LRRTM4: variants seen among roughly 807,000 people sequenced by gnomAD.
LRRTM4 encodes leucine rich repeat transmembrane neuronal 4.
Under a neutral mutation model 47.6 loss-of-function variants are expected in LRRTM4, and 25 were observed. The observed-to-expected ratio is 0.53, with a 90% CI of 0.38 to 0.73. LRRTM4 has a LOEUF of 0.73. LRRTM4 is among the 30% of genes least tolerant of loss of function. The pLI is 0.00. For missense variants in LRRTM4, 638 were observed against 713.4 expected (o/e 0.89, Z 1.20); for synonymous variants, 311 against 269.5 (o/e 1.15, Z -1.51).
intron 3 of LRRTM4, among the ~76,000 whole-genome samples, chr2:77,405,970 C>A (rs1157335539): frequency 6.6e-6 from 1 of 152,130 alleles, no homozygotes; most frequent in Non-Finnish European, 1.5e-5. Flanking sequence ...TCTTGTTTAT[C>A]TTTGTCCTAT....
intron 3 of LRRTM4, among the ~76,000 whole-genome samples, chr2:77,244,693 ATTTTT>A: frequency 1.3e-5 from 2 of 152,146 alleles, no homozygotes; most frequent in South Asian, 4.1e-4. Context: ...ATGGAAAATC[ATTTTT>A]AAGATTAGGC....
chr2:77,413,061 G>C (rs1558731882), intron 3 of LRRTM4, among the ~76,000 whole-genome samples: 1 of 152,070 alleles, frequency 6.6e-6, no homozygotes, highest in Non-Finnish European at 1.5e-5. Context: ...TTTGGAGACA[G>C]CTTTCTCAAC....
intron 3 of LRRTM4, among the ~76,000 whole-genome samples, chr2:77,114,326 C>T (rs1207865113): frequency 6.6e-6 from 1 of 152,134 alleles, no homozygotes; most frequent in Non-Finnish European, 1.5e-5. Flanking sequence ...CTTCCACTGC[C>T]CTGAATACGG....
At chr2:77,276,591 A>T (rs1676362362) in intron 3 of LRRTM4, among the ~76,000 whole-genome samples, 1 of 149,224 alleles carries the variant, frequency 6.7e-6, no homozygotes, top group African/African-American at 2.4e-5. Flanking sequence ...TTAGTGCTAA[A>T]TAAATATTTG....
At chr2:77,335,461 ATTTCC>A (rs1671130308) in intron 3 of LRRTM4, among the ~76,000 whole-genome samples, 1 of 152,016 alleles carries the variant, frequency 6.6e-6, no homozygotes, top group Non-Finnish European at 1.5e-5. Flanking sequence ...AACACTTTGG[ATTTCC>A]CCATAGCCAA....
In LRRTM4 at chr2:76,951,665, G is replaced by A. The variant is rs190963073; in HGVS notation, c.1552-202749C>T. On this transcript the variant is annotated intron_variant, in intron 3 of 3. Transcript: ENST00000409884. ...CTTCTGGGATACATATGCAGAACAT[G>A]CAGGTTTGTTACATAGGTATACACG... is the stretch of plus-strand genomic sequence containing the variant. 8.6e-3 allele frequency among the ~76,000 whole-genome samples: 1,311 copies of A among 152,012 alleles called. 26 individuals are homozygous for A. The highest frequency in any genetic ancestry group is 0.029 in the African/African-American group (1,206 of 41,508).
chr2:77,419,574 A>T (rs1230351605), intron 3 of LRRTM4, among the ~76,000 whole-genome samples: 1 of 152,164 alleles, frequency 6.6e-6, no homozygotes, highest in Non-Finnish European at 1.5e-5. Flanking sequence ...AAATCTGTAC[A>T]TGTTCAATAG....
At chr2:77,070,685 CA>C (rs1430910319) in intron 3 of LRRTM4, among the ~76,000 whole-genome samples, 4 of 152,074 alleles carry the variant, frequency 2.6e-5, no homozygotes, top group Admixed American at 2.6e-4. Flanking sequence ...GGCTAGAGGG[CA>C]ATGGCATGCT....
At chr2:77,151,634 T>G (rs1672433759) in intron 3 of LRRTM4, among the ~76,000 whole-genome samples, 1 of 152,170 alleles carries the variant, frequency 6.6e-6, no homozygotes, top group African/African-American at 2.4e-5. Flanking sequence ...ACAGCATGGA[T>G]GAACACAGAG....
chr2:77,111,089 C>T (rs1216703275), intron 3 of LRRTM4, among the ~76,000 whole-genome samples: 1 of 151,876 alleles, frequency 6.6e-6, no homozygotes, highest in Non-Finnish European at 1.5e-5. Flanking sequence ...AAAGGAAGTA[C>T]AGTAATTCCC....
chr2:77,067,554 C>T (rs10181919), intron 3 of LRRTM4, among the ~76,000 whole-genome samples: 59,189 of 151,482 alleles, frequency 0.39, 14,587 homozygotes, highest in African/African-American at 0.68. Context: ...GATGGAATAC[C>T]GTAGAAAACA....
chr2:77,084,915 C>G (rs990595273), intron 3 of LRRTM4, among the ~76,000 whole-genome samples: 12 of 152,070 alleles, frequency 7.9e-5, no homozygotes, highest in Non-Finnish European at 5.9e-5. Flanking sequence ...TAATTTTATG[C>G]ATATGTACAT....
intron 3 of LRRTM4, among the ~76,000 whole-genome samples, chr2:77,196,884 A>T (rs1673843422): frequency 6.6e-6 from 1 of 152,214 alleles, no homozygotes; most frequent in Non-Finnish European, 1.5e-5. Context: ...AAATGTCAGG[A>T]TGGCCTAAGA....
intron 3 of LRRTM4, among the ~76,000 whole-genome samples, chr2:77,281,962 G>A (rs1450998684): frequency 6.6e-6 from 1 of 151,826 alleles, no homozygotes; most frequent in Non-Finnish European, 1.5e-5. Context: ...CATCTTGCTA[G>A]TTCTGTGAAC....
intron 3 of LRRTM4, among the ~76,000 whole-genome samples, chr2:76,844,308 T>C (rs1233646265): frequency 6.6e-6 from 1 of 152,072 alleles, no homozygotes; most frequent in African/African-American, 2.4e-5. Context: ...CTAATTTTTT[T>C]GTATTTTTGG....
At chr2:76,981,166 T>A (rs1222815125) in intron 3 of LRRTM4, among the ~76,000 whole-genome samples, 1 of 152,144 alleles carries the variant, frequency 6.6e-6, no homozygotes, top group Non-Finnish European at 1.5e-5. Context: ...ATTCATTCGT[T>A]ATTCAATATT....
chr2:76,830,498 A>G lies in LRRTM4; in HGVS notation c.1552-81582T>C, dbSNP rs561909423. 9.9e-5 allele frequency among the ~76,000 whole-genome samples: 14 copies of G among 141,306 alleles called. 2 individuals carry two copies. The highest frequency in any genetic ancestry group is 3.5e-4 in the African/African-American group (13 of 36,910). 92.7% of individuals were successfully genotyped at this position (141,306 alleles called of 152,430 possible). On this transcript the variant is annotated intron_variant, in intron 3 of 3. Coordinates refer to ENST00000409884, the MANE Select transcript of LRRTM4 (RefSeq NM_001134745.3). ...TTTTGCTGTGTAAAATAAGTTGTCT[A>G]TGTGTGGCAGTGTGTGCGTGTGTGT...
intron 3 of LRRTM4, among the ~76,000 whole-genome samples, chr2:76,754,630 C>T (rs937426319): frequency 1.3e-5 from 2 of 152,098 alleles, no homozygotes; most frequent in Non-Finnish European, 2.9e-5. Context: ...TTACGTATTC[C>T]ACTTATGGTA....
intron 3 of LRRTM4, among the ~76,000 whole-genome samples, chr2:76,886,131 A>T (rs1673069576): frequency 6.6e-6 from 1 of 152,230 alleles, no homozygotes; most frequent in Admixed American, 6.5e-5. Flanking sequence ...AAAGAAAAGC[A>T]AAAACTGACA....
Sources: allele counts gnomAD v4.1 joint callset (sites outside exome capture counted in the v4.1 genomes callset), GRCh38; gene constraint gnomAD v4.1.1; transcripts MANE v1.5; gene names NCBI Gene and HGNC (gene_info 2026-07-23, HGNC 2026-07-21).